Variants in SPMIP2 observed in about 807,000 individuals in gnomAD.
The protein encoded by SPMIP2 is sperm microtubule inner protein 2.
the SPMIP2 span, among the ~76,000 whole-genome samples, chr4:158,929,143 T>C: frequency 5.3e-5 from 8 of 152,138 alleles, no homozygotes; most frequent in Admixed American, 1.3e-4. Flanking sequence ...ACCTCCTGAG[T>C]AGTTAGGACT....
chr4:158,941,233 C>A, the SPMIP2 span, among the ~76,000 whole-genome samples: 3 of 152,174 alleles, frequency 2.0e-5, no homozygotes, highest in African/African-American at 7.2e-5. Context: ...TTCTCTCTCC[C>A]ACTCCAAGAA....
chr4:158,922,076 G>A, the SPMIP2 span, among the ~76,000 whole-genome samples: 1 of 152,022 alleles, frequency 6.6e-6, no homozygotes, highest in Admixed American at 6.6e-5. Flanking sequence ...TTTTAGTAGA[G>A]ATGGGGTTTC....
chr4:158,991,091 T>C, the SPMIP2 span, among the ~76,000 whole-genome samples: 3 of 152,010 alleles, frequency 2.0e-5, no homozygotes, highest in Admixed American at 1.3e-4. Flanking sequence ...ATTGGTAAAG[T>C]TGATTATGTG....
At chr4:158,899,238 G>A in the SPMIP2 span, among the ~76,000 whole-genome samples, 1 of 152,184 alleles carries the variant, frequency 6.6e-6, no homozygotes, top group African/African-American at 2.4e-5. Context: ...TGTGCTGCTG[G>A]ATTCAGTTTG....
the SPMIP2 span, among the ~76,000 whole-genome samples, chr4:158,913,459 T>G: frequency 1.3e-5 from 2 of 152,054 alleles, no homozygotes; most frequent in Non-Finnish European, 2.9e-5. Flanking sequence ...TGGGCTCAAG[T>G]GATTCTCCCA....
At chr4:158,916,619 ATATG>A in the SPMIP2 span, among the ~76,000 whole-genome samples, 2,301 of 150,704 alleles carry the variant, frequency 0.015, 56 homozygotes, top group African/African-American at 0.052. Flanking sequence ...ATGTATGTAC[ATATG>A]TATGTATGTA....
At chr4:159,021,614 A>T in the SPMIP2 span, among the ~76,000 whole-genome samples, 2 of 152,266 alleles carry the variant, frequency 1.3e-5, no homozygotes, top group African/African-American at 2.4e-5. Context: ...GCAGAAGTAG[A>T]ATCAATACAA....
the SPMIP2 span, among the ~76,000 whole-genome samples, chr4:159,057,281 C>T: frequency 6.6e-5 from 10 of 152,140 alleles, no homozygotes; most frequent in Non-Finnish European, 1.3e-4. Context: ...TCGTGACTGC[C>T]CTTTTAATAT....
the SPMIP2 span, among the ~76,000 whole-genome samples, chr4:158,959,479 G>T: frequency 3.9e-5 from 6 of 151,964 alleles, no homozygotes; most frequent in Non-Finnish European, 8.8e-5. Context: ...TTTGACATGG[G>T]GTTTGAAGTC....
chr4:159,033,623 A>T, the SPMIP2 span, among the ~76,000 whole-genome samples: 3 of 152,326 alleles, frequency 2.0e-5, no homozygotes, highest in Non-Finnish European at 2.9e-5. Flanking sequence ...GAATAAAGGC[A>T]AAAGGAATTG....
the SPMIP2 span, among the ~76,000 whole-genome samples, chr4:159,068,921 T>C: frequency 6.6e-6 from 1 of 152,180 alleles, no homozygotes; most frequent in Admixed American, 6.5e-5. Context: ...GCTACCTCTT[T>C]AGGGCTAATA....
chr4:158,904,795 T>C, the SPMIP2 span: 1 of 451,964 alleles, frequency 2.2e-6, no homozygotes, highest in African/African-American at 2.0e-5. Flanking sequence ...ACAAAGAAAC[T>C]GACCTTTTTG....
chr4:158,970,132 G>A, the SPMIP2 span, among the ~76,000 whole-genome samples: 1 of 152,212 alleles, frequency 6.6e-6, no homozygotes, highest in Non-Finnish European at 1.5e-5. Context: ...TGCATGGAGT[G>A]TATGTGTATG....
At chr4:158,965,971 C>T in the SPMIP2 span, among the ~76,000 whole-genome samples, 1 of 152,162 alleles carries the variant, frequency 6.6e-6, no homozygotes. Flanking sequence ...TGCTTAAAGC[C>T]ATTGGAATGT....
chr4:158,900,690 A>C, the SPMIP2 span, among the ~76,000 whole-genome samples: 10 of 151,992 alleles, frequency 6.6e-5, no homozygotes, highest in Non-Finnish European at 1.5e-4. Context: ...TTGCTTGTAG[A>C]TCTTCCTCCA....
At chr4:159,041,672 G>A in the SPMIP2 span, among the ~76,000 whole-genome samples, 1 of 152,148 alleles carries the variant, frequency 6.6e-6, no homozygotes, top group Non-Finnish European at 1.5e-5. Context: ...TGGTGTTGTG[G>A]ATGTCAAAAG....
the SPMIP2 span, chr4:158,893,771 C>T: frequency 1.5e-6 from 2 of 1,290,644 alleles, no homozygotes; most frequent in Non-Finnish European, 2.2e-6. Flanking sequence ...TAAGTATTTG[C>T]CAAACTTTTA....
the SPMIP2 span, among the ~76,000 whole-genome samples, chr4:159,046,757 G>A: frequency 1.3e-5 from 2 of 152,170 alleles, no homozygotes; most frequent in Non-Finnish European, 2.9e-5. Flanking sequence ...ATTTTTAGAA[G>A]AGACGGGCTT....
chr4:159,030,006 G>A, the SPMIP2 span, among the ~76,000 whole-genome samples: 6 of 152,120 alleles, frequency 3.9e-5, no homozygotes, highest in Non-Finnish European at 5.9e-5. Context: ...TAGTTAAGTG[G>A]TCGAGTATAC....
Sources: allele counts gnomAD v4.1 joint callset (sites outside exome capture counted in the v4.1 genomes callset), GRCh38; gene constraint gnomAD v4.1.1; transcripts MANE v1.5; gene names NCBI Gene and HGNC (gene_info 2026-07-23, HGNC 2026-07-21).